LIN7A: variants seen among roughly 807,000 people sequenced by gnomAD.
LIN7A encodes the protein protein lin-7 homolog A.
LIN7A carries 25 observed loss-of-function variants against 29.8 expected under a neutral mutation model. That is an observed-to-expected ratio of 0.84 (90% CI 0.61 to 1.17). LIN7A has a LOEUF of 1.17. Ranked by LOEUF, LIN7A falls within the 50% of genes most tolerant of loss-of-function variation. The pLI is 0.00. For synonymous variants in LIN7A, 118 were observed against 107.5 expected (o/e 1.10, Z -0.60); for missense variants, 239 against 287.0 (o/e 0.83, Z 1.21).
rs535685204 is a variant in LIN7A at position 80,867,158 on chromosome 12, A to T, written c.202-18836T>A. 8.1e-4 allele frequency among the ~76,000 whole-genome samples: 123 copies of T among 152,028 alleles called. 1 individual carries two copies. In the South Asian group the frequency reaches 0.024, roughly 30 times the overall value. On this transcript the variant is annotated intron_variant, in intron 2 of 5. Transcript: ENST00000552864. ...GTAGAGACAGGGTCTTGCCATGTTG[A>T]CCAGTCTTGAGCTCCTGGCCTCAAG... is the stretch of plus-strand genomic sequence containing the variant.
intron 2 of LIN7A, among the ~76,000 whole-genome samples, chr12:80,851,239 A>G (rs1254500965): frequency 6.6e-6 from 1 of 150,462 alleles, no homozygotes; most frequent in Non-Finnish European, 1.5e-5. Context: ...CAAATATACA[A>G]TACAACAATT....
chr12:80,848,823 C>T (rs1437318233), intron 2 of LIN7A, among the ~76,000 whole-genome samples: 1 of 152,002 alleles, frequency 6.6e-6, no homozygotes, highest in Non-Finnish European at 1.5e-5. Flanking sequence ...TTAGCTATTT[C>T]AGTAAAAAAG....
At chr12:80,860,203 C>T (rs922361144) in intron 2 of LIN7A, among the ~76,000 whole-genome samples, 6 of 152,134 alleles carry the variant, frequency 3.9e-5, no homozygotes, top group African/African-American at 1.4e-4. Context: ...TGGTATATTA[C>T]CCCTTTGGTA....
chr12:80,925,297 T>C (rs1260009184), intron 1 of LIN7A, among the ~76,000 whole-genome samples: 2 of 152,226 alleles, frequency 1.3e-5, no homozygotes, highest in East Asian at 1.9e-4. Flanking sequence ...AAGAGCAGAA[T>C]GGCAAATTAG....
intron 4 of LIN7A, among the ~76,000 whole-genome samples, chr12:80,835,458 C>T (rs955919436): frequency 6.6e-6 from 1 of 152,086 alleles, no homozygotes; most frequent in African/African-American, 2.4e-5. Flanking sequence ...CCAATTTCCT[C>T]TGAAATTAGA....
At chr12:80,851,085 T>C (rs542033040) in intron 2 of LIN7A, among the ~76,000 whole-genome samples, 1 of 152,252 alleles carries the variant, frequency 6.6e-6, no homozygotes, top group South Asian at 2.1e-4. Flanking sequence ...TCAGACTTTC[T>C]TATATTAAAA....
intron 4 of LIN7A, among the ~76,000 whole-genome samples, chr12:80,825,548 G>A (rs1049306578): frequency 3.3e-5 from 5 of 152,236 alleles, no homozygotes; most frequent in Non-Finnish European, 5.9e-5. Context: ...GGCTGTTACA[G>A]TGATGGAAAC....
At chr12:80,906,108 G>A (rs1876463622) in intron 1 of LIN7A, among the ~76,000 whole-genome samples, 1 of 152,012 alleles carries the variant, frequency 6.6e-6, no homozygotes, top group Non-Finnish European at 1.5e-5. Context: ...TCATTCTCTT[G>A]TCAGTAGATA....
chr12:80,932,986 A>G lies in LIN7A; in HGVS notation c.82+4655T>C, dbSNP rs151172639. ...AAGGTCTGGAAGAGAAGAATTCCAC[A>G]CTAATCTCCTTATCAGTATCTTCTC... is the stretch of plus-strand genomic sequence containing the variant. On this transcript the variant is annotated intron_variant, in intron 1 of 5. Transcript: ENST00000552864. 3.8e-3 allele frequency among the ~76,000 whole-genome samples: 575 copies of G among 152,342 alleles called. 13 individuals are homozygous for G. The highest frequency in any genetic ancestry group is 0.028 in the Admixed American group (428 of 15,294).
At chr12:80,904,080 A>G (rs1876356861) in intron 1 of LIN7A, among the ~76,000 whole-genome samples, 2 of 152,216 alleles carry the variant, frequency 1.3e-5, no homozygotes, top group Middle Eastern at 6.8e-3. Flanking sequence ...GTTTTTCTAA[A>G]ATTAAAATGA....
At chr12:80,933,234 A>G (rs11615269) in intron 1 of LIN7A, among the ~76,000 whole-genome samples, 7,577 of 152,272 alleles carry the variant, frequency 0.05, 247 homozygotes, top group Middle Eastern at 0.088. Context: ...GCTGATCTAT[A>G]GATTTTCTTA....
chr12:80,889,732 T>G (rs1211935003), intron 1 of LIN7A, among the ~76,000 whole-genome samples: 1 of 152,142 alleles, frequency 6.6e-6, no homozygotes, highest in East Asian at 1.9e-4. Context: ...AGTTCAACTT[T>G]TCCTTTCCCA....
intron 1 of LIN7A, among the ~76,000 whole-genome samples, chr12:80,923,106 C>T (rs751746040): frequency 1.3e-5 from 2 of 152,148 alleles, no homozygotes; most frequent in Non-Finnish European, 2.9e-5. Flanking sequence ...GGCACCCTAG[C>T]CCAGATAAAA....
chr12:80,908,907 T>A (rs1264277824), intron 1 of LIN7A, among the ~76,000 whole-genome samples: 1 of 152,090 alleles, frequency 6.6e-6, no homozygotes, highest in Non-Finnish European at 1.5e-5. Context: ...TTTATCGACA[T>A]GTTTTGCAAA....
chr12:80,863,332 T>C (rs1298327808), intron 2 of LIN7A, among the ~76,000 whole-genome samples: 1 of 152,248 alleles, frequency 6.6e-6, no homozygotes, highest in Non-Finnish European at 1.5e-5. Context: ...ATATGCATAA[T>C]TAAACATACT....
At chr12:80,828,946 A>C (rs757705169) in intron 4 of LIN7A, among the ~76,000 whole-genome samples, 3 of 152,164 alleles carry the variant, frequency 2.0e-5, no homozygotes, top group African/African-American at 4.8e-5. Flanking sequence ...TCTTTAAAAA[A>C]TCTGATTTTA....
chr12:80,794,767 AG>A lies in LIN7A; in HGVS notation c.*2959del, dbSNP rs1446130633. The A allele has an allele frequency of 6.6e-6, 1 of 152,180 alleles. No homozygotes were observed. The highest frequency in any genetic ancestry group is 2.4e-5 in the African/African-American group (1 of 41,468). The allele number at this position is 152,180 out of a possible 1,614,324, so 9.4% of individuals were successfully genotyped here. A position where few individuals can be genotyped will look rare whatever the true frequency, so the allele number is the denominator to read the frequency against. On this transcript the variant is annotated 3_prime_UTR_variant, in exon 6 of 6. Coordinates refer to ENST00000552864, the MANE Select transcript of LIN7A (RefSeq NM_004664.4). ...GACTACATGATTGAGGAAACACAAAAGTCTGTTATTCTTTCCAAAGTCAATT... is the reference window on the plus strand; with the variant it reads ...GACTACATGATTGAGGAAACACAAAATCTGTTATTCTTTCCAAAGTCAATT...
intron 5 of LIN7A, 78 bp downstream of exon 5, chr12:80,811,387 A>C: frequency 1.8e-6 from 1 of 543,004 alleles, no homozygotes; most frequent in Admixed American, 3.2e-5. Flanking sequence ...AATATATTTT[A>C]AGTATATTCA....
chr12:80,818,603 T>A (rs1033537334), intron 4 of LIN7A, among the ~76,000 whole-genome samples: 1 of 152,204 alleles, frequency 6.6e-6, no homozygotes, highest in Non-Finnish European at 1.5e-5. Context: ...CTGATAGAGA[T>A]GTTTAGGCCA....
Sources: allele counts gnomAD v4.1 joint callset (sites outside exome capture counted in the v4.1 genomes callset), GRCh38; gene constraint gnomAD v4.1.1; transcripts MANE v1.5; gene names NCBI Gene and HGNC (gene_info 2026-07-23, HGNC 2026-07-21).